The following MMP14 variants were observed in gnomAD, a reference collection of about 807,000 sequenced individuals.
The protein encoded by MMP14 is matrix metalloproteinase-14.
MMP14 carries 13 observed loss-of-function variants against 64.8 expected under a neutral mutation model. The ratio of observed to expected loss-of-function variants is 0.20; its 90% CI spans 0.13 to 0.32. The LOEUF is 0.32. MMP14 is among the 10% of genes least tolerant of loss of function. The pLI, the probability that MMP14 is intolerant of heterozygous loss-of-function variation, is 1.00. For missense variants in MMP14, 594 were observed against 783.8 expected (o/e 0.76, Z 2.89); for synonymous variants, 322 against 315.9 (o/e 1.02, Z -0.20).
rs2236306 is a variant in MMP14 at position 22,843,666 on chromosome 14, G to A, written c.851-44G>A. ...CCCATCTGTCTGTCCTTCCGTCCCCGCCTCCTCCTAAGTCTGAAATGCCCC... is the reference window on the plus strand; with the variant it reads ...CCCATCTGTCTGTCCTTCCGTCCCCACCTCCTCCTAAGTCTGAAATGCCCC... On this transcript the variant is annotated intron_variant, in intron 5 of 9. Transcript: ENST00000311852. The surrounding 1 kb of genome is among the most constrained non-coding windows in gnomAD (Gnocchi z 4.8). 5.6e-5 allele frequency: 87 copies of A among 1,561,108 alleles called. No individual in the cohort carries two copies. Among genetic ancestry groups the A allele is most frequent in the Non-Finnish European group, 5.2e-5 (60 of 1,154,748 alleles).
intron 1 of MMP14, among the ~76,000 whole-genome samples, chr14:22,838,900 T>C (rs2039753620): frequency 6.6e-6 from 1 of 152,144 alleles, no homozygotes; most frequent in Non-Finnish European, 1.5e-5. Context: ...GCCTTGCGGC[T>C]CTCTTGACTC....
intron 1 of MMP14, among the ~76,000 whole-genome samples, chr14:22,841,162 G>A (rs1025828758): frequency 3.3e-5 from 5 of 152,226 alleles, no homozygotes; most frequent in Non-Finnish European, 7.3e-5. Flanking sequence ...ACTGACATGG[G>A]GGAGAAAAGT....
intron 1 of MMP14, among the ~76,000 whole-genome samples, chr14:22,841,277 C>CATAGCCCCGAGGGGACAAGCT (rs1386187234): frequency 2.0e-5 from 3 of 152,230 alleles, no homozygotes; most frequent in Non-Finnish European, 4.4e-5. Flanking sequence ...TGTTTGGGCC[C>CATAGCCCCGAGGGGACAAGCT]ATAGCCCCGA....
In MMP14 at chr14:22,842,274, T is replaced by C; in HGVS notation, c.381-136T>C. 1.8e-6 allele frequency: 2 copies of C among 1,091,430 alleles called. No individual in the cohort carries two copies. The highest frequency in any genetic ancestry group is 2.6e-6 in the Non-Finnish European group (2 of 760,182). 67.6% of individuals were successfully genotyped at this position (1,091,430 alleles called of 1,614,324 possible). Reference sequence around the variant, plus strand: ...GTTCTTGAGACAGAGGCGTTGCGCATGAGGTAGCAGGAAGAGCTGGGTCAG... The same window carrying C: ...GTTCTTGAGACAGAGGCGTTGCGCACGAGGTAGCAGGAAGAGCTGGGTCAG... On this transcript the variant is annotated intron_variant, in intron 3 of 9. Transcript: ENST00000311852. The surrounding 1 kb of genome is among the most constrained non-coding windows in gnomAD (Gnocchi z 5.3).
intron 1 of MMP14, chr14:22,837,501 C>A: frequency 4.7e-6 from 2 of 427,758 alleles, no homozygotes; most frequent in Non-Finnish European, 9.4e-6. Context: ...CGAGAGGACC[C>A]CGCTGTGTCC....
chr14:22,843,533 C>G lies in MMP14; in HGVS notation c.850+115C>G. On this transcript the variant is annotated intron_variant, in intron 5 of 9. Transcript: ENST00000311852. The surrounding 1 kb of genome is among the most constrained non-coding windows in gnomAD (Gnocchi z 4.8). ...CCGCACCGCCCCCTGCCAACCTGCC[C>G]CTGCCTCTATCAGCTCCACTTTTGA... 3 of 1,422,526 alleles carry G rather than the reference C, an allele frequency of 2.1e-6. No homozygotes were observed. Among genetic ancestry groups the G allele is most frequent in the South Asian group, 2.6e-5 (2 of 76,580 alleles). 88.1% of individuals were successfully genotyped at this position (1,422,526 alleles called of 1,614,324 possible). A position where few individuals can be genotyped will look rare whatever the true frequency, so the allele number is the denominator to read the frequency against.
rs1185501540 is a variant in MMP14, at chr14:22,843,455, C to A, written c.850+37C>A. 6.3e-7 allele frequency: 1 copy of A among 1,594,664 alleles called. No homozygotes were observed. Among genetic ancestry groups the A allele is most frequent in the Admixed American group, 1.7e-5 (1 of 59,338 alleles). On this transcript the variant is annotated intron_variant, in intron 5 of 9. Coordinates refer to ENST00000311852, the MANE Select transcript of MMP14 (RefSeq NM_004995.4). This position sits in a 1 kb window ranked among gnomAD's most constrained non-coding sequence, Gnocchi z 4.8. ...ACACCCACGCCTGCTCCCTCCTCTG[C>A]TGCTTGTTCCCTCCTGGTCTACGCA...
chr14:22,846,070 C>A lies in MMP14; in HGVS notation c.*31C>A. The A allele has an allele frequency of 6.9e-7, 1 of 1,449,986 alleles. No individual in the cohort carries two copies. The highest frequency in any genetic ancestry group is 9.1e-7 in the Non-Finnish European group (1 of 1,101,214). 89.8% of individuals were successfully genotyped at this position (1,449,986 alleles called of 1,614,324 possible). A position where few individuals can be genotyped will look rare whatever the true frequency, so the allele number is the denominator to read the frequency against. ...ACCGCCGGCCCGCCCACTCCTACCA[C>A]AAGGACTTTGCCTCTGAAGGCCAGT... On this transcript the variant is annotated 3_prime_UTR_variant, in exon 10 of 10. Transcript: ENST00000311852.
rs17885327 is a variant in MMP14 at position 22,843,099 on chromosome 14, T to A, written c.689-158T>A. ...AGGAGCTTGCTGACTGGCTTTGTGC[T>A]TAAATACCAGATAAAAAGCTAGACC... On this transcript the variant is annotated intron_variant, in intron 4 of 9. Transcript: ENST00000311852. This position sits in a 1 kb window ranked among gnomAD's most constrained non-coding sequence, Gnocchi z 4.8. Among the ~76,000 whole-genome samples the A allele has an allele frequency of 1.3e-5, 2 of 152,212 alleles. No homozygotes were observed. Among genetic ancestry groups the A allele is most frequent in the African/African-American group, 4.8e-5 (2 of 41,458 alleles).
Position 22,836,720 on chromosome 14 carries a change from C to A in MMP14, c.-98C>A. On this transcript the variant is annotated 5_prime_UTR_variant, in exon 1 of 10. Transcript: ENST00000311852. The stretch of plus-strand genomic sequence containing the variant: ...CTAGGAATTCAAGTTCAGTGCCTAC[C>A]GAAGACAAAGGCGCCCCGAGGGAGT... 1.5e-6 allele frequency: 1 copy of A among 651,252 alleles called. No homozygotes were observed. The highest frequency in any genetic ancestry group is 2.2e-5 in the South Asian group (1 of 46,160). 40.3% of individuals were successfully genotyped at this position (651,252 alleles called of 1,614,324 possible).
At chr14:22,840,050 C>G (rs1036970491) in intron 1 of MMP14, among the ~76,000 whole-genome samples, 1 of 145,518 alleles carries the variant, frequency 6.9e-6, no homozygotes, top group African/African-American at 2.7e-5. Flanking sequence ...TAACTGCAAC[C>G]TTGGCCTCCC....
rs2138739581 is a variant in MMP14 at position 22,841,614 on chromosome 14, G to A, written c.232G>A (p.Gly78Ser). ...GAAGTTTTACGGCTTGCAAGTAACA[G>A]GCAAAGCTGATGCAGACACCATGAA... Reference protein sequence around the residue: ...MQKFYGLQVTGKADADTMKAM... With the variant: ...MQKFYGLQVTSKADADTMKAM... The change falls in exon 2 of 10, where the codon GGC (glycine) becomes AGC (serine). Residue 78 changes from glycine (G) to serine (S), a missense_variant. Transcript: ENST00000311852. 6.2e-7 allele frequency: 1 copy of A among 1,613,996 alleles called. No homozygotes were observed. The highest frequency in any genetic ancestry group is 2.2e-5 in the East Asian group (1 of 44,878).
Position 22,836,857 on chromosome 14 carries a change from C to G in MMP14, c.40C>G (p.Pro14Ala). The G allele has an allele frequency of 6.2e-7, 1 of 1,613,628 alleles. No individual in the cohort carries two copies. The highest frequency in any genetic ancestry group is 1.1e-5 in the South Asian group (1 of 91,044). The change falls in exon 1 of 10, where the codon CCC (proline) becomes GCC (alanine). Residue 14 changes from proline to alanine, a missense_variant. Pro to Ala is a conservative substitution (Grantham distance 27). Around this residue, in one of 4 missense-constraint regions of MMP14, gnomAD observed 45 missense variants for 48.8 expected, o/e 0.92. Transcript: ENST00000311852. Reference protein sequence around the residue: ...APRPPRCLLLPLLTLGTALAS... With the variant: ...APRPPRCLLLALLTLGTALAS... ...AAGACCCCCCCGTTGTCTCCTGCTC[C>G]CCCTGCTCACGCTCGGCACCGCGCT...
intron 1 of MMP14, chr14:22,837,222 C>A (rs1236482452): frequency 1.7e-6 from 1 of 589,118 alleles, no homozygotes; most frequent in Non-Finnish European, 3.2e-6. Context: ...TCCCCCTTCC[C>A]CGATTCCCTT....
Position 22,846,710 on chromosome 14 carries a change from G to A in MMP14, c.*671G>A, listed in dbSNP as rs1209553114. 6.5e-6 allele frequency: 1 copy of A among 152,742 alleles called. No homozygotes were observed. The highest frequency in any genetic ancestry group is 2.4e-5 in the African/African-American group (1 of 41,468). The allele number at this position is 152,742 out of a possible 1,614,324, so 9.5% of individuals were successfully genotyped here. On this transcript the variant is annotated 3_prime_UTR_variant, in exon 10 of 10. Coordinates refer to ENST00000311852, the MANE Select transcript of MMP14 (RefSeq NM_004995.4). The stretch of plus-strand genomic sequence containing the variant: ...CAGGGAACTTCCAAGGAAGGAGCCT[G>A]AGCCACTGGGGACTAAGTGGGCAGA...
chr14:22,839,116 G>A (rs17886902), intron 1 of MMP14, among the ~76,000 whole-genome samples: 1,642 of 152,178 alleles, frequency 0.011, 25 homozygotes, highest in African/African-American at 0.037. Context: ...TCCTTCTGTC[G>A]TTCTGCTCTA....
chr14:22,846,883 G>C lies in MMP14; in HGVS notation c.*844G>C, dbSNP rs988798622. On this transcript the variant is annotated 3_prime_UTR_variant, in exon 10 of 10. Coordinates refer to ENST00000311852, the MANE Select transcript of MMP14 (RefSeq NM_004995.4). ...TCAGAGCCCTGGGGGTGAGCCTGAA[G>C]GCCACAGAGAAAGAACCTTGCCCAA... is the stretch of plus-strand genomic sequence containing the variant. 6.6e-6 allele frequency: 1 copy of C among 152,650 alleles called. No homozygotes were observed. The highest frequency in any genetic ancestry group is 2.4e-5 in the African/African-American group (1 of 41,454). 9.5% of individuals were successfully genotyped at this position (152,650 alleles called of 1,614,324 possible).
chr14:22,837,752 G>C (rs2039745378), intron 1 of MMP14, among the ~76,000 whole-genome samples: 1 of 152,228 alleles, frequency 6.6e-6, no homozygotes, highest in Non-Finnish European at 1.5e-5. Context: ...CCTCACGTCG[G>C]GGCTGGCTCG....
chr14:22,843,445 CCCT>C lies in MMP14; in HGVS notation c.850+32_850+34del. 6.3e-7 allele frequency: 1 copy of C among 1,599,418 alleles called. No homozygotes were observed. Among genetic ancestry groups the C allele is most frequent in the South Asian group, 1.1e-5 (1 of 89,730 alleles). ...CGAGTAGTCTACACCCACGCCTGCT[CCCT>C]CCTCTGCTGCTTGTTCCCTCCTGGT... On this transcript the variant is annotated intron_variant, in intron 5 of 9. Transcript: ENST00000311852. This position sits in a 1 kb window ranked among gnomAD's most constrained non-coding sequence, Gnocchi z 4.8.
Sources: allele counts gnomAD v4.1 joint callset (sites outside exome capture counted in the v4.1 genomes callset), GRCh38; gene constraint gnomAD v4.1.1; regional missense constraint gnomAD v4.1.1; non-coding constraint Gnocchi (gnomAD v3.1); transcripts MANE v1.5; gene names NCBI Gene and HGNC (gene_info 2026-07-23, HGNC 2026-07-21).